Variants in DPP6 observed in about 807,000 individuals in gnomAD.
The protein encoded by DPP6 is dipeptidyl peptidase like 6.
Under a neutral mutation model 122.6 loss-of-function variants are expected in DPP6, and 69 were observed. The observed-to-expected ratio is 0.56, with a 90% confidence interval of 0.46 to 0.69. DPP6 has a LOEUF of 0.69. Among genes scored for constraint, DPP6 ranks in the 30% least tolerant of loss-of-function variants. DPP6 has a pLI of 0.00. For synonymous variants in DPP6, 418 were observed against 433.1 expected (o/e 0.97, Z 0.43); for missense variants, 928 against 1,116.9 (o/e 0.83, Z 2.41).
At chr7:153,814,237 G>A in the DPP6 span, among the ~76,000 whole-genome samples, 3 of 152,008 alleles carry the variant, frequency 2.0e-5, no homozygotes, top group African/African-American at 4.8e-5. Flanking sequence ...AAAGAGAGAA[G>A]AATCAAATAG....
intron 1 of DPP6, among the ~76,000 whole-genome samples, chr7:153,995,580 C>A (rs1797387290): frequency 8.6e-6 from 1 of 116,818 alleles, no homozygotes. Flanking sequence ...AAGAGTGAGA[C>A]TCCGTCTCAA....
chr7:154,796,036 G>T (rs1287652290), intron 12 of DPP6, 153 bp downstream of exon 12: 2 of 1,217,754 alleles, frequency 1.6e-6, no homozygotes, highest in African/African-American at 1.5e-5. Flanking sequence ...CTCCACTCAC[G>T]GTGCCTCCCG....
chr7:154,887,558 T>A, intron 22 of DPP6, 118 bp from the exon 23 acceptor site: 2 of 956,406 alleles, frequency 2.1e-6, no homozygotes, highest in East Asian at 4.8e-5. Flanking sequence ...AAGTGGCAAG[T>A]GGGAATGAGC....
chr7:154,060,013 G>GT (rs1185332823), intron 1 of DPP6, among the ~76,000 whole-genome samples: 3 of 151,764 alleles, frequency 2.0e-5, no homozygotes, highest in South Asian at 2.1e-4. Context: ...CGCATCGCGG[G>GT]AGGGGAGGCA....
chr7:154,407,274 A>G (rs286841), intron 1 of DPP6, among the ~76,000 whole-genome samples: 22,514 of 152,196 alleles, frequency 0.15, 1,689 homozygotes, highest in South Asian at 0.17. Context: ...GTTCTGAACC[A>G]TGTATAACTC....
At position 153,965,359 on chromosome 7, in the gene DPP6, C is replaced by A. The variant is rs184187130; in HGVS notation, c.51+77625C>A. On this transcript the variant is annotated intron_variant, in intron 1 of 25. Coordinates refer to the DPP6 transcript ENST00000404039. ...TATTTCTCCAGCCTCCCCTCATTAA[C>A]CATTCCGGTTCCTCCTTAGGCAGCG... Among the ~76,000 whole-genome samples, 13 of 152,164 alleles carry A rather than the reference C, an allele frequency of 8.5e-5. No homozygotes were observed. The East Asian group carries it at 2.1e-3, about 25-fold the overall frequency.
chr7:154,081,242 T>A (rs139822916), intron 1 of DPP6, among the ~76,000 whole-genome samples: 1 of 150,212 alleles, frequency 6.7e-6, no homozygotes, highest in African/African-American at 2.4e-5. Context: ...GGGGGATGAG[T>A]GTGCTTGGTA....
At chr7:154,468,309 A>T (rs1821966789) in intron 2 of DPP6, among the ~76,000 whole-genome samples, 1 of 152,210 alleles carries the variant, frequency 6.6e-6, no homozygotes, top group Non-Finnish European at 1.5e-5. Context: ...AGCTGAAGAG[A>T]GATGTGGGAG....
intron 16 of DPP6, among the ~76,000 whole-genome samples, chr7:154,836,464 A>G (rs1040470446): frequency 2.0e-5 from 3 of 152,256 alleles, no homozygotes; most frequent in African/African-American, 7.2e-5. Context: ...TTATTAAAGC[A>G]GGAGAGAAGT....
At position 154,193,735 on chromosome 7, in the gene DPP6, G is replaced by T. The variant is rs535378533; in HGVS notation, c.243+140672G>T. ...GGTGACAGGTAGACCACCTGTGAAG[G>T]ATGGGGAAAGAGATTCCTCACTTTA... On this transcript the variant is annotated intron_variant, in intron 1 of 25. Coordinates refer to ENST00000377770, the MANE Select transcript of DPP6 (RefSeq NM_130797.4). Among the ~76,000 whole-genome samples, 6 of 152,182 alleles carry T rather than the reference G, an allele frequency of 3.9e-5. No homozygotes were observed. In the South Asian group the frequency reaches 1.2e-3, roughly 32 times the overall value.
intron 10 of DPP6, among the ~76,000 whole-genome samples, chr7:154,792,553 T>C (rs1285880987): frequency 2.0e-5 from 3 of 152,174 alleles, no homozygotes; most frequent in African/African-American, 7.2e-5. Flanking sequence ...AGGACCTTTG[T>C]AGAATGTTGC....
chr7:154,268,556 T>C (rs10281565), intron 1 of DPP6, among the ~76,000 whole-genome samples: 99,431 of 152,072 alleles, frequency 0.65, 33,271 homozygotes, highest in African/African-American at 0.79. Flanking sequence ...CACCATCACA[T>C]TGAAGGTTAG....
At chr7:154,490,087 T>G (rs983588606) in intron 3 of DPP6, among the ~76,000 whole-genome samples, 18 of 152,340 alleles carry the variant, frequency 1.2e-4, no homozygotes, top group East Asian at 9.6e-4. Context: ...TCAGAGAAGT[T>G]AAGTCACTTA....
chr7:153,938,034 CAG>C (rs531074463), intron 1 of DPP6, among the ~76,000 whole-genome samples: 48 of 152,326 alleles, frequency 3.2e-4, no homozygotes, highest in African/African-American at 1.0e-3. Context: ...ACCTCTGAGA[CAG>C]GGGCAAGAAG....
intron 5 of DPP6, among the ~76,000 whole-genome samples, chr7:154,623,405 G>A (rs944306155): frequency 6.6e-6 from 1 of 152,120 alleles, no homozygotes; most frequent in Non-Finnish European, 1.5e-5. Context: ...TGGGAGGGGC[G>A]GTGCCTTTTG....
At chr7:154,529,340 A>G (rs1442563019) in intron 3 of DPP6, among the ~76,000 whole-genome samples, 4 of 152,180 alleles carry the variant, frequency 2.6e-5, no homozygotes, top group Non-Finnish European at 5.9e-5. Flanking sequence ...CATCTTCACT[A>G]ACAACACTAA....
At chr7:154,853,928 A>G (rs1802609026) in intron 17 of DPP6, 101 bp downstream of exon 17, 1 of 1,472,898 alleles carries the variant, frequency 6.8e-7, no homozygotes, top group African/African-American at 1.4e-5. Flanking sequence ...ACTCAGAGAC[A>G]GAGGGATGAG....
chr7:154,464,444 G>A (rs1821610473), intron 2 of DPP6, among the ~76,000 whole-genome samples: 1 of 152,188 alleles, frequency 6.6e-6, no homozygotes, highest in African/African-American at 2.4e-5. Flanking sequence ...TTTACGAGCT[G>A]CTTTTTCCTG....
At chr7:154,493,500 C>A (rs1427288617) in intron 3 of DPP6, among the ~76,000 whole-genome samples, 1 of 148,946 alleles carries the variant, frequency 6.7e-6, no homozygotes, top group African/African-American at 2.4e-5. Flanking sequence ...ATGTAGACAG[C>A]AAAACTAAAA....
Sources: allele counts gnomAD v4.1 joint callset (sites outside exome capture counted in the v4.1 genomes callset), GRCh38; gene constraint gnomAD v4.1.1; transcripts MANE v1.5; gene names NCBI Gene and HGNC (gene_info 2026-07-23, HGNC 2026-07-21).